The following PHF20 variants were observed in gnomAD, a reference collection of about 807,000 sequenced individuals.
PHF20 encodes the protein glioma-expressed antigen 2.
In PHF20, 23 loss-of-function variants were observed where a neutral mutation model predicts 113.5. The observed-to-expected ratio is 0.20, with a 90% CI of 0.15 to 0.29. The LOEUF (loss-of-function observed/expected upper bound fraction) is 0.29. Among genes scored for constraint, PHF20 ranks in the 10% least tolerant of loss-of-function variants. PHF20 has a pLI of 1.00. For synonymous variants in PHF20, 434 were observed against 457.3 expected, an observed-to-expected ratio of 0.95 and a Z score of 0.65; for missense variants, 943 against 1,219.6, an observed-to-expected ratio of 0.77 and a Z score of 3.38.
chr20:35,926,230 A>ATTTTTT (rs1186510585), intron 13 of PHF20, among the ~76,000 whole-genome samples: 10 of 52,966 alleles, frequency 1.9e-4, no homozygotes, highest in Non-Finnish European at 2.8e-4. Context: ...ACAGACTTTC[A>ATTTTTT]TTTTTTTTTT....
intron 2 of PHF20, among the ~76,000 whole-genome samples, chr20:35,827,838 A>G (rs1014263877): frequency 1.3e-5 from 2 of 151,322 alleles, no homozygotes; most frequent in Admixed American, 1.3e-4. Flanking sequence ...AGTTAGATGT[A>G]GATATCGATC....
chr20:35,846,398 A>G (rs145900477), intron 3 of PHF20, among the ~76,000 whole-genome samples: 4,329 of 152,120 alleles, frequency 0.028, 88 homozygotes, highest in Non-Finnish European at 0.041. Flanking sequence ...GGCTGATCTC[A>G]GGTGATCTGC....
Position 35,926,306 on chromosome 20 carries a change from C to T in PHF20, c.2005-1474C>T, listed in dbSNP as rs1256965463. Among the ~76,000 whole-genome samples the T allele has an allele frequency of 3.9e-5, 5 of 129,308 alleles. No homozygotes were observed. The Admixed American group carries it at 4.4e-4, about 11-fold the overall frequency. 84.8% of individuals were successfully genotyped at this position (129,308 alleles called of 152,430 possible). A position where few individuals can be genotyped will look rare whatever the true frequency, so the allele number is the denominator to read the frequency against. ...AGGTGGGAGTGCAGTGGCGCAATCTCGGCTCACTGCAAGCTCCGCCTCCCA... is the reference window on the plus strand; with the variant it reads ...AGGTGGGAGTGCAGTGGCGCAATCTTGGCTCACTGCAAGCTCCGCCTCCCA... On this transcript the variant is annotated intron_variant, in intron 13 of 17. Coordinates refer to ENST00000374012, the MANE Select transcript of PHF20 (RefSeq NM_016436.5).
intron 2 of PHF20, among the ~76,000 whole-genome samples, chr20:35,826,514 G>T (rs1268118712): frequency 1.3e-5 from 2 of 152,172 alleles, no homozygotes; most frequent in Non-Finnish European, 2.9e-5. Flanking sequence ...GCAAGGAAGT[G>T]AAATTAAAGA....
chr20:35,837,819 T>C (rs2042468926), intron 2 of PHF20, among the ~76,000 whole-genome samples: 1 of 152,226 alleles, frequency 6.6e-6, no homozygotes, highest in East Asian at 1.9e-4. Flanking sequence ...CAGGCAGAGT[T>C]GTGATCCACT....
chr20:35,794,092 G>A (rs923050011), intron 1 of PHF20, among the ~76,000 whole-genome samples: 1 of 151,204 alleles, frequency 6.6e-6, no homozygotes, highest in Non-Finnish European at 1.5e-5. Context: ...CCTGAGGTCA[G>A]GAGTTCGAGA....
chr20:35,915,157 T>C (rs1015752337), intron 12 of PHF20, among the ~76,000 whole-genome samples: 1 of 149,904 alleles, frequency 6.7e-6, no homozygotes, highest in African/African-American at 2.4e-5. Flanking sequence ...TGTTACAAAG[T>C]CCTGCTGGCA....
chr20:35,877,580 C>CT (rs1188827033), intron 9 of PHF20, among the ~76,000 whole-genome samples: 10,797 of 140,822 alleles, frequency 0.077, 590 homozygotes, highest in South Asian at 0.19. Flanking sequence ...CTCCCACTTT[C>CT]TTTTTTTTTT....
intron 17 of PHF20, among the ~76,000 whole-genome samples, chr20:35,944,662 C>T (rs905515294): frequency 2.6e-5 from 4 of 152,122 alleles, no homozygotes; most frequent in Admixed American, 2.6e-4. Context: ...GCCTCTGCCT[C>T]CCAGGTTTAA....
At chr20:35,785,830 A>G (rs1392458435) in intron 1 of PHF20, among the ~76,000 whole-genome samples, 1 of 151,260 alleles carries the variant, frequency 6.6e-6, no homozygotes, top group Non-Finnish European at 1.5e-5. Flanking sequence ...TGGGAGGCTG[A>G]GACCAGCCTG....
intron 1 of PHF20, among the ~76,000 whole-genome samples, chr20:35,799,316 A>T (rs1320884323): frequency 1.4e-5 from 2 of 146,978 alleles, no homozygotes; most frequent in African/African-American, 5.1e-5. Flanking sequence ...AAAAAAAAAA[A>T]AAAGCTGGGT....
At chr20:35,840,627 C>T (rs561658852) in intron 2 of PHF20, among the ~76,000 whole-genome samples, 1 of 152,234 alleles carries the variant, frequency 6.6e-6, no homozygotes, top group African/African-American at 2.4e-5. Context: ...GATGATTAGA[C>T]ATTAGGCTCT....
intron 1 of PHF20, among the ~76,000 whole-genome samples, chr20:35,796,752 A>G (rs891448040): frequency 3.3e-5 from 5 of 152,178 alleles, no homozygotes; most frequent in African/African-American, 1.2e-4. Context: ...TTGGTCAGAG[A>G]AAGAGGAAGG....
In PHF20 at chr20:35,889,333, T is replaced by G. The variant is rs1180461354; in HGVS notation, c.1283-10037T>G. 3.9e-5 allele frequency among the ~76,000 whole-genome samples: 6 copies of G among 152,060 alleles called. No homozygotes were observed. The East Asian group carries it at 1.2e-3, about 29-fold the overall frequency. On this transcript the variant is annotated intron_variant, in intron 9 of 17. Coordinates refer to ENST00000374012, the MANE Select transcript of PHF20 (RefSeq NM_016436.5). Reference sequence around the variant, plus strand: ...CTGGTGCTATACATAATTTTCTATTTTGCTCGTAATATTTTGGGTTTTATT... The same window carrying G: ...CTGGTGCTATACATAATTTTCTATTGTGCTCGTAATATTTTGGGTTTTATT...
At position 35,802,351 on chromosome 20, in the gene PHF20, G is replaced by T. The variant is rs199590313; in HGVS notation, c.83+746G>T. On this transcript the variant is annotated intron_variant, in intron 2 of 17. Coordinates refer to ENST00000374012, the MANE Select transcript of PHF20 (RefSeq NM_016436.5). ...AACTTATACCTCTTTAAGGGTTTTT[G>T]TTTTTTTTTTTTAGACAGAGATTCG... 1.1e-3 allele frequency among the ~76,000 whole-genome samples: 157 copies of T among 142,212 alleles called. 5 individuals carry two copies. The South Asian group carries it at 0.034, about 31-fold the overall frequency. 93.3% of individuals were successfully genotyped at this position (142,212 alleles called of 152,430 possible).
intron 2 of PHF20, among the ~76,000 whole-genome samples, chr20:35,815,743 G>A (rs2042062193): frequency 6.6e-6 from 1 of 151,982 alleles, no homozygotes; most frequent in Non-Finnish European, 1.5e-5. Context: ...GGGATTACAG[G>A]CGTCAGCCAC....
intron 2 of PHF20, among the ~76,000 whole-genome samples, chr20:35,832,181 A>G (rs932095192): frequency 2.0e-5 from 3 of 151,736 alleles, no homozygotes; most frequent in Non-Finnish European, 4.4e-5. Context: ...GAAAATGCCT[A>G]CTCATCTTTC....
At position 35,947,738 on chromosome 20, in the gene PHF20, C is replaced by A; in HGVS notation, c.*111C>A. The A allele has an allele frequency of 8.7e-7, 1 of 1,145,952 alleles. No homozygotes were observed. The highest frequency in any genetic ancestry group is 1.2e-6 in the Non-Finnish European group (1 of 807,584). The allele number at this position is 1,145,952 out of a possible 1,614,324, so 71.0% of individuals were successfully genotyped here. A position where few individuals can be genotyped will look rare whatever the true frequency, so the allele number is the denominator to read the frequency against. On this transcript the variant is annotated 3_prime_UTR_variant, in exon 18 of 18. Transcript: ENST00000374012. ...GCTGAATGCACGTGACACCGACTGA[C>A]TTCAGGGATCTGGGCCAGGAGTGTG...
intron 2 of PHF20, among the ~76,000 whole-genome samples, chr20:35,829,627 A>G (rs6060629): frequency 6.8e-6 from 1 of 147,236 alleles, no homozygotes; most frequent in Non-Finnish European, 1.5e-5. Context: ...GATTACAGGC[A>G]TGAGCCACTG....
Sources: gnomAD v4.1 joint callset for allele counts (sites outside exome capture counted in the v4.1 genomes callset) on GRCh38, gnomAD v4.1.1 for gene constraint, MANE v1.5 for transcripts, NCBI Gene and HGNC (gene_info 2026-07-23, HGNC 2026-07-21) for gene names.